The following ARNT2 variants were observed in gnomAD, a reference collection of about 807,000 sequenced individuals.
The protein encoded by ARNT2 is aryl hydrocarbon receptor nuclear translocator 2.
ARNT2 carries 36 observed loss-of-function variants against 91.7 expected under a neutral mutation model. That is an observed-to-expected ratio of 0.39 (90% confidence interval 0.30 to 0.52). ARNT2 has a LOEUF of 0.52. ARNT2 is among the 20% of genes least tolerant of loss of function. The pLI, the probability that ARNT2 is intolerant of heterozygous loss-of-function variation, is 0.72. For synonymous variants in ARNT2, 365 were observed against 347.1 expected (o/e 1.05, Z -0.57); for missense variants, 775 against 939.3 (o/e 0.83, Z 2.29).
At chr15:80,483,258 C>T (rs939806518) in intron 5 of ARNT2, among the ~76,000 whole-genome samples, 4 of 152,332 alleles carry the variant, frequency 2.6e-5, no homozygotes, top group Non-Finnish European at 2.9e-5. Flanking sequence ...CTTCGATGCA[C>T]ATTTTAGTTT....
At chr15:80,444,816 A>G (rs1375819124) in intron 1 of ARNT2, 3 of 121,486 alleles carry the variant, frequency 2.5e-5, no homozygotes, top group South Asian at 2.8e-4. Flanking sequence ...TGAGTGGTAT[A>G]TGTGTGGTGT....
intron 5 of ARNT2, among the ~76,000 whole-genome samples, chr15:80,478,913 G>A (rs1221708601): frequency 1.3e-5 from 2 of 152,220 alleles, no homozygotes; most frequent in Non-Finnish European, 2.9e-5. Context: ...CTTGACTCAT[G>A]TGGTTTTAGG....
chr15:80,492,759 A>T (rs944131501), intron 5 of ARNT2, among the ~76,000 whole-genome samples: 2 of 151,982 alleles, frequency 1.3e-5, no homozygotes, highest in African/African-American at 4.8e-5. Flanking sequence ...TAATTCATTG[A>T]TTCAGTTTTT....
intron 8 of ARNT2, among the ~76,000 whole-genome samples, chr15:80,514,747 G>A (rs1027577791): frequency 5.3e-5 from 8 of 152,122 alleles, no homozygotes; most frequent in African/African-American, 1.2e-4. Context: ...TTAGCTGGGC[G>A]TGGTGGCGGG....
intron 5 of ARNT2, among the ~76,000 whole-genome samples, chr15:80,497,781 G>A (rs1353178782): frequency 6.6e-6 from 1 of 152,028 alleles, no homozygotes; most frequent in Non-Finnish European, 1.5e-5. Context: ...TGGTAGAGCA[G>A]TGTTGCAGAG....
At chr15:80,580,058 CTAA>C (rs1347427861) in intron 15 of ARNT2, 1 of 198,752 alleles carries the variant, frequency 5.0e-6, no homozygotes, top group African/African-American at 2.3e-5. Flanking sequence ...GATTTTTATT[CTAA>C]GAAGCTTCTC....
intron 12 of ARNT2, among the ~76,000 whole-genome samples, chr15:80,570,043 T>A (rs759269140): frequency 6.6e-6 from 1 of 152,236 alleles, no homozygotes; most frequent in African/African-American, 2.4e-5. Context: ...GGTACTAGAA[T>A]GGGAGACATG....
rs1009207475 is a variant in ARNT2 at position 80,594,556 on chromosome 15, T to G, written c.*858T>G. On this transcript the variant is annotated 3_prime_UTR_variant, in exon 19 of 19. Transcript: ENST00000303329. ...CTTTGGTCCAAGCCTCTGGTGCAGA[T>G]TCAAGCTCCTCCTCTTAGAGGAAGC... The G allele has an allele frequency of 2.0e-5, 3 of 152,250 alleles. No homozygotes were observed. The highest frequency in any genetic ancestry group is 4.8e-5 in the African/African-American group (2 of 41,426). The allele number at this position is 152,250 out of a possible 1,614,324, so 9.4% of individuals were successfully genotyped here.
At chr15:80,409,739 G>A (rs551302495) in intron 1 of ARNT2, among the ~76,000 whole-genome samples, 1 of 152,342 alleles carries the variant, frequency 6.6e-6, no homozygotes, top group South Asian at 2.1e-4. Flanking sequence ...AAATAACCAA[G>A]GGACCTAAAT....
At position 80,494,005 on chromosome 15, in the gene ARNT2, A is replaced by T. The variant is rs571530728; in HGVS notation, c.623-14151A>T. On this transcript the variant is annotated intron_variant, in intron 5 of 18. Coordinates refer to ENST00000303329, the MANE Select transcript of ARNT2 (RefSeq NM_014862.4). ...CTCCTGCTCCCTCTTTGCTTCTGCCATGATGCTTCCTGGAGTCCTCACCAG... is the reference window on the plus strand; with the variant it reads ...CTCCTGCTCCCTCTTTGCTTCTGCCTTGATGCTTCCTGGAGTCCTCACCAG... 5.9e-5 allele frequency among the ~76,000 whole-genome samples: 9 copies of T among 152,282 alleles called. No homozygotes were observed. In the South Asian group the frequency reaches 1.7e-3, roughly 28 times the overall value.
At chr15:80,461,014 G>T (rs1195312316) in intron 3 of ARNT2, among the ~76,000 whole-genome samples, 1 of 152,186 alleles carries the variant, frequency 6.6e-6, no homozygotes, top group Non-Finnish European at 1.5e-5. Flanking sequence ...AATTCTCGTG[G>T]CTTCCATTGT....
chr15:80,455,454 C>G (rs895689214), intron 2 of ARNT2, among the ~76,000 whole-genome samples: 7 of 152,138 alleles, frequency 4.6e-5, no homozygotes, highest in Non-Finnish European at 1.0e-4. Context: ...GCAAGGCCAT[C>G]TCTTTCTCAT....
intron 1 of ARNT2, among the ~76,000 whole-genome samples, chr15:80,410,020 T>C (rs1293766975): frequency 6.6e-6 from 1 of 152,126 alleles, no homozygotes; most frequent in Non-Finnish European, 1.5e-5. Context: ...GCGCTGGAAA[T>C]CTACTGAAGG....
At chr15:80,487,917 C>T (rs909008952) in intron 5 of ARNT2, 1 of 152,200 alleles carries the variant, frequency 6.6e-6, no homozygotes, top group East Asian at 1.9e-4. Context: ...AGGACACAGC[C>T]TCCCCAGCAC....
chr15:80,503,639 C>A (rs1447360495), intron 5 of ARNT2, among the ~76,000 whole-genome samples: 2 of 152,178 alleles, frequency 1.3e-5, no homozygotes, highest in African/African-American at 4.8e-5. Context: ...AAGCAAGTGA[C>A]AATTTACACT....
chr15:80,566,460 C>T (rs1898485334), intron 12 of ARNT2, among the ~76,000 whole-genome samples: 1 of 152,186 alleles, frequency 6.6e-6, no homozygotes, highest in East Asian at 1.9e-4. Context: ...ACTCCCGTGA[C>T]CCTCCCTTCT....
intron 17 of ARNT2, among the ~76,000 whole-genome samples, chr15:80,589,281 A>G (rs1893231125): frequency 6.7e-6 from 1 of 149,006 alleles, no homozygotes; most frequent in Non-Finnish European, 1.5e-5. Flanking sequence ...TCAAATGCCT[A>G]TTGGATGGGG....
rs539530408 is a variant in ARNT2, at chr15:80,501,632, G to A, written c.623-6524G>A. 6.0e-4 allele frequency among the ~76,000 whole-genome samples: 92 copies of A among 152,324 alleles called. No homozygotes were observed. The South Asian group carries it at 0.018, about 30-fold the overall frequency. On this transcript the variant is annotated intron_variant, in intron 5 of 18. Transcript: ENST00000303329. ...CGTCTCTCCCTCCAGCAGCCAGGAG[G>A]CAGGGGCTAACTCCCGGTCTCAGGA... is the stretch of plus-strand genomic sequence containing the variant.
intron 15 of ARNT2, 27 bp downstream of exon 15, chr15:80,576,992 C>T (rs368275505): frequency 1.0e-5 from 16 of 1,605,398 alleles, no homozygotes; most frequent in South Asian, 2.2e-5. Flanking sequence ...GGGACAATGG[C>T]GTGGGAAGAT....
Sources: allele counts gnomAD v4.1 joint callset (sites outside exome capture counted in the v4.1 genomes callset), GRCh38; gene constraint gnomAD v4.1.1; transcripts MANE v1.5; gene names NCBI Gene and HGNC (gene_info 2026-07-23, HGNC 2026-07-21).